The following COMP variants were observed in gnomAD, a reference collection of about 807,000 sequenced individuals.
COMP encodes the protein cartilage oligomeric matrix protein (pseudoachondroplasia, epiphyseal dysplasia 1, multiple).
In COMP, 79 loss-of-function variants were observed where a neutral mutation model predicts 95.8. That is an observed-to-expected ratio of 0.82 (90% CI 0.69 to 0.99). The LOEUF is 0.99. COMP is among the 50% of genes least tolerant of loss of function. COMP has a pLI of 0.00. For missense variants in COMP, 906 were observed against 1,076.1 expected (o/e 0.84, Z 2.21); for synonymous variants, 438 against 433.9 (o/e 1.01, Z -0.12).
At chr19:18,783,612 T>A (rs1250460669) in intron 17 of COMP, among the ~76,000 whole-genome samples, 1 of 93,316 alleles carries the variant, frequency 1.1e-5, no homozygotes, top group Non-Finnish European at 2.2e-5. Flanking sequence ...ATGCCTGGCA[T>A]TTTTTTTTTT....
chr19:18,785,467 T>A (rs758283232), intron 15 of COMP, 31 bp downstream of exon 15: 2 of 1,611,878 alleles, frequency 1.2e-6, no homozygotes, highest in Non-Finnish European at 1.7e-6. Context: ...GCCCGCTCCG[T>A]GGCAGGATAG....
At chr19:18,790,787 C>A (rs2055207235) in intron 2 of COMP, 63 bp downstream of exon 2, 2 of 1,572,922 alleles carry the variant, frequency 1.3e-6, no homozygotes, top group South Asian at 2.3e-5. Flanking sequence ...CCTCTCTCCT[C>A]GCTGGGAACT....
chr19:18,784,056 C>A lies in COMP; in HGVS notation c.2087+135G>T. The A allele has an allele frequency of 1.0e-6, 1 of 999,184 alleles. No individual in the cohort carries two copies. The highest frequency in any genetic ancestry group is 1.4e-5 in the South Asian group (1 of 72,058). 61.9% of individuals were successfully genotyped at this position (999,184 alleles called of 1,614,324 possible). A position where few individuals can be genotyped will look rare whatever the true frequency, so the allele number is the denominator to read the frequency against. On this transcript the variant is annotated intron_variant, in intron 17 of 18. Transcript: ENST00000222271. This position sits in a 1 kb window ranked among gnomAD's most constrained non-coding sequence, Gnocchi z 4.9. ...CACCACGCCTGGACCAGCATAGGCT[C>A]ATTCTAACTGCCCTGTATCTTTCCT...
rs765126525 is a variant in COMP, at chr19:18,788,344, A to G, written c.868-25T>C. 2.1e-5 allele frequency: 33 copies of G among 1,608,604 alleles called. No homozygotes were observed. Among genetic ancestry groups the G allele is most frequent in the Non-Finnish European group, 3.4e-6 (4 of 1,179,294 alleles). On this transcript the variant is annotated intron_variant, in intron 8 of 18. Coordinates refer to ENST00000222271, the MANE Select transcript of COMP (RefSeq NM_000095.3). This position sits in a 1 kb window ranked among gnomAD's most constrained non-coding sequence, Gnocchi z 4.7. ...CCTGGGGGCGGGCACAGAAGGTGTG[A>G]GGGGCGCGGTCATGAAGTCCCGCCC...
chr19:18,783,927 G>A (rs1329386744), intron 17 of COMP, among the ~76,000 whole-genome samples: 2 of 151,800 alleles, frequency 1.3e-5, no homozygotes, highest in African/African-American at 2.4e-5. Flanking sequence ...TTTCTTTTTT[G>A]TAGAGACAGG....
Position 18,786,427 on chromosome 19 carries a change from AT to A in COMP, c.1254+104del, listed in dbSNP as rs1165883808. On this transcript the variant is annotated intron_variant, in intron 11 of 18. Coordinates refer to ENST00000222271, the MANE Select transcript of COMP (RefSeq NM_000095.3). ...CGCAGGCTGCTCGGACCGAGAGGTCATTTCTCTGGCAGTGTAAAATGCTCTA... is the reference window on the plus strand; with the variant it reads ...CGCAGGCTGCTCGGACCGAGAGGTCATTCTCTGGCAGTGTAAAATGCTCTA... 2.2e-5 allele frequency: 34 copies of A among 1,529,628 alleles called. No individual in the cohort carries two copies. The Admixed American group carries it at 3.9e-4, about 18-fold the overall frequency. 94.8% of individuals were successfully genotyped at this position (1,529,628 alleles called of 1,614,324 possible).
At position 18,789,892 on chromosome 19, in the gene COMP, GGGGCGGTAGAGGGAGTCGTCA is replaced by G. The variant is rs1568556987; in HGVS notation, c.390+29_390+49del. 1 of 1,585,998 alleles carries G rather than the reference GGGGCGGTAGAGGGAGTCGTCA, an allele frequency of 6.3e-7. No individual in the cohort carries two copies. Among genetic ancestry groups the G allele is most frequent in the Non-Finnish European group, 8.5e-7 (1 of 1,172,986 alleles). Reference sequence around the variant, plus strand: ...GGTCTCCCGGGCGGCGAGAGATTGGGGGGCGGTAGAGGGAGTCGTCAGGGCGGTGGAGTGTCGGGGCTAGCG... The same window carrying G: ...GGTCTCCCGGGCGGCGAGAGATTGGGGGGCGGTGGAGTGTCGGGGCTAGCG... On this transcript the variant is annotated intron_variant, in intron 4 of 18. Transcript: ENST00000222271. This position sits in a 1 kb window ranked among gnomAD's most constrained non-coding sequence, Gnocchi z 6.1.
At chr19:18,785,368 T>TG in intron 15 of COMP, 130 bp downstream of exon 15, 1 of 985,672 alleles carries the variant, frequency 1.0e-6, no homozygotes, top group Non-Finnish European at 1.5e-6. Flanking sequence ...CGCCCCTCTG[T>TG]CCCCGCCCTT....
intron 10 of COMP, chr19:18,786,973 A>G (rs2055172363): frequency 2.9e-6 from 1 of 347,822 alleles, no homozygotes. Context: ...GAGTTTCACC[A>G]TGTTGGTCAG....
chr19:18,784,147 T>C lies in COMP; in HGVS notation c.2087+44A>G. The C allele has an allele frequency of 6.2e-7, 1 of 1,608,930 alleles. No individual in the cohort carries two copies. Among genetic ancestry groups the C allele is most frequent in the Non-Finnish European group, 8.5e-7 (1 of 1,177,086 alleles). ...TGGCCAGGGCACTCCCACCTGGGCC[T>C]GTGTGTCCCCAGCCCAGCCCACCAC... On this transcript the variant is annotated intron_variant, in intron 17 of 18. Transcript: ENST00000222271. The surrounding 1 kb of genome is among the most constrained non-coding windows in gnomAD (Gnocchi z 4.9).
In COMP at chr19:18,790,124, G is replaced by A. The variant is rs775158677; in HGVS notation, c.218-10C>T. 2.9e-5 allele frequency: 44 copies of A among 1,522,980 alleles called. No individual in the cohort carries two copies. The South Asian group carries it at 5.0e-4, about 17-fold the overall frequency. The allele number at this position is 1,522,980 out of a possible 1,614,324, so 94.3% of individuals were successfully genotyped here. On this transcript the variant is annotated splice_polypyrimidine_tract_variant and intron_variant, in intron 3 of 18. Transcript: ENST00000222271. ...ACTGACTGCTGCATCCCTGCGGGGG[G>A]GAGGGGGGAGAAGCGGCGGGGCTGA...
intron 10 of COMP, 69 bp from the exon 11 acceptor site, chr19:18,786,719 C>G (rs1601054869): frequency 9.1e-7 from 1 of 1,101,312 alleles, no homozygotes; most frequent in Non-Finnish European, 1.4e-6. Flanking sequence ...TAGGATGAGG[C>G]CAGCCTGAGG....
chr19:18,786,991 T>G, intron 10 of COMP: 1 of 344,178 alleles, frequency 2.9e-6, no homozygotes, highest in Non-Finnish European at 5.5e-6. Context: ...CAGTCTGGTC[T>G]CGAACTCCTG....
chr19:18,789,803 A>C lies in COMP; in HGVS notation c.390+139T>G. The stretch of plus-strand genomic sequence containing the variant: ...GGGCGTCCCCCCGCGGTAAGGAGGT[A>C]GTCTGGCCGTGCGCCCCCGGAGGTG... On this transcript the variant is annotated intron_variant, in intron 4 of 18. Coordinates refer to ENST00000222271, the MANE Select transcript of COMP (RefSeq NM_000095.3). The surrounding 1 kb of genome is among the most constrained non-coding windows in gnomAD (Gnocchi z 6.1). 1.8e-6 allele frequency: 2 copies of C among 1,087,222 alleles called. No individual in the cohort carries two copies. Among genetic ancestry groups the C allele is most frequent in the Non-Finnish European group, 1.4e-6 (1 of 740,408 alleles). 67.3% of individuals were successfully genotyped at this position (1,087,222 alleles called of 1,614,324 possible).
Position 18,788,661 on chromosome 19 carries a change from G to T in COMP, c.693C>A (p.Asp231Glu), listed in dbSNP as rs374210489. 1.9e-6 allele frequency: 3 copies of T among 1,545,240 alleles called. No homozygotes were observed. The highest frequency in any genetic ancestry group is 1.4e-5 in the African/African-American group (1 of 73,010). ...CQRRAQRFCP[D>E]GSPSECHEHA... ...GCTCGTGGCACTCGCTGGGCGAGCC[G>T]TCGGGGCAGAAGCGCTGTGCGCGCC... Residue 231 changes from aspartate to glutamate, a missense_variant, in exon 7 of 19, where the codon GAC becomes GAA. By Grantham distance (45) the Asp-to-Glu change is conservative. Coordinates refer to ENST00000222271, the MANE Select transcript of COMP (RefSeq NM_000095.3). The surrounding 1 kb of genome is among the most constrained non-coding windows in gnomAD (Gnocchi z 4.7).
intron 9 of COMP, among the ~76,000 whole-genome samples, chr19:18,787,874 C>CTTTCTTTCTTTCTTTT (rs2055180332): frequency 1.7e-4 from 2 of 11,956 alleles, no homozygotes; most frequent in African/African-American, 2.5e-3. Context: ...CTCTTTCTTT[C>CTTTCTTTCTTTCTTTT]TTTCTTTCTT....
intron 9 of COMP, among the ~76,000 whole-genome samples, chr19:18,787,964 C>A (rs1314924013): frequency 6.8e-6 from 1 of 148,074 alleles, no homozygotes; most frequent in African/African-American, 2.5e-5. Flanking sequence ...AGTGCAGTGG[C>A]GCGATCTCGG....
Position 18,788,447 on chromosome 19 carries a change from T to TCCGGGAAG in COMP, c.822_829dup (p.Asp277AlafsTer20). The TCCGGGAAG allele has an allele frequency of 1.3e-6, 2 of 1,559,842 alleles. No individual in the cohort carries two copies. Among genetic ancestry groups the TCCGGGAAG allele is most frequent in the Non-Finnish European group, 1.7e-6 (2 of 1,148,938 alleles). The stretch of plus-strand genomic sequence containing the variant: ...GCGCTCCGGGCAGCGCAGCTTCTCG[T>TCCGGGAAG]CCGGGAAGCCGTCTAGGTCAGTGTC... On this transcript the variant is annotated frameshift_variant, in exon 8 of 19. Coordinates refer to ENST00000222271, the MANE Select transcript of COMP (RefSeq NM_000095.3). LOFTEE classifies it high-confidence loss of function. This position sits in a 1 kb window ranked among gnomAD's most constrained non-coding sequence, Gnocchi z 4.7.
At position 18,788,622 on chromosome 19, in the gene COMP, G is replaced by T; in HGVS notation, c.732C>A (p.Val244=). Residue 244 remains valine, a synonymous_variant, in exon 7 of 19, where the codon GTC becomes GTA. Transcript: ENST00000222271. This position sits in a 1 kb window ranked among gnomAD's most constrained non-coding sequence, Gnocchi z 4.7. ...ACGACCGCGAGCCATCGCGCTCTAG[G>T]ACGCAGTCTGCATGCTCGTGGCACT... The part of the protein sequence containing the change: ...PSECHEHADC[V]LERDGSRSCV... 1 of 1,549,294 alleles carries T rather than the reference G, an allele frequency of 6.5e-7. No homozygotes were observed. Among genetic ancestry groups the T allele is most frequent in the Non-Finnish European group, 8.7e-7 (1 of 1,147,156 alleles).
Sources: allele counts gnomAD v4.1 joint callset (sites outside exome capture counted in the v4.1 genomes callset), GRCh38; gene constraint gnomAD v4.1.1; non-coding constraint Gnocchi (gnomAD v3.1); transcripts MANE v1.5; gene names NCBI Gene and HGNC (gene_info 2026-07-23, HGNC 2026-07-21).